The following MYH6 variants were observed in gnomAD, a reference collection of about 807,000 sequenced individuals.
The protein encoded by MYH6 is myosin-6.
MYH6 carries 126 observed loss-of-function variants against 223.2 expected under a neutral mutation model. That is an observed-to-expected ratio of 0.56 (90% CI 0.49 to 0.65). The LOEUF (loss-of-function observed/expected upper bound fraction) is 0.65. Among genes scored for constraint, MYH6 ranks in the 30% least tolerant of loss-of-function variants. The pLI, the probability that MYH6 is intolerant of heterozygous loss-of-function variation, is 0.00. For missense variants in MYH6, 2,040 were observed against 2,536.4 expected (o/e 0.80, Z 4.20); for synonymous variants, 978 against 1,010.2 (o/e 0.97, Z 0.61).
chr14:23,407,716 G>C lies in MYH6; in HGVS notation c.-46-108C>G. 1.3e-6 allele frequency: 1 copy of C among 778,822 alleles called. No individual in the cohort carries two copies. The highest frequency in any genetic ancestry group is 1.6e-6 in the Non-Finnish European group (1 of 620,762). The allele number at this position is 778,822 out of a possible 1,614,324, so 48.2% of individuals were successfully genotyped here. Reference sequence around the variant, plus strand: ...GGCAGGCCACCCGGGGATGGAGGCAGCCCCAGAGCGCAGACAGGCAGGACA... The same window carrying C: ...GGCAGGCCACCCGGGGATGGAGGCACCCCCAGAGCGCAGACAGGCAGGACA... On this transcript the variant is annotated intron_variant, in intron 1 of 38. Transcript: ENST00000405093. The surrounding 1 kb of genome is among the most constrained non-coding windows in gnomAD (Gnocchi z 5.6).
Position 23,387,922 on chromosome 14 carries a change from A to T in MYH6, c.4361T>A (p.Ile1454Asn), listed in dbSNP as rs746342054. The T allele has an allele frequency of 8.7e-6, 14 of 1,613,464 alleles. No individual in the cohort carries two copies. Among genetic ancestry groups the T allele is most frequent in the Non-Finnish European group, 1.1e-5 (13 of 1,179,990 alleles). ...ATACTTCTGCTTCCACTCGGCCAGG[A>T]TCTGCCCGGGGACAAGGCTCACTCT... is the stretch of plus-strand genomic sequence containing the variant. The part of the protein sequence containing the change: ...LDKKQRNFDK[I>N]LAEWKQKYEE... Residue 1454 changes from isoleucine to asparagine, a missense_variant and splice_region_variant, in exon 31 of 39, where the codon ATC (isoleucine) becomes AAC (asparagine). Ile to Asn is a moderately radical substitution (Grantham distance 149). Transcript: ENST00000405093.
intron 20 of MYH6, among the ~76,000 whole-genome samples, chr14:23,395,103 G>T (rs1223710563): frequency 1.3e-5 from 2 of 152,196 alleles, no homozygotes; most frequent in Non-Finnish European, 2.9e-5. Flanking sequence ...GACCTCAGGT[G>T]ATCCGCCTGC....
chr14:23,396,043 T>C (rs928971243), intron 20 of MYH6, among the ~76,000 whole-genome samples: 2 of 151,924 alleles, frequency 1.3e-5, no homozygotes, highest in Non-Finnish European at 2.9e-5. Flanking sequence ...CAAAGTCTAG[T>C]GTTTTAAAAT....
intron 13 of MYH6, 137 bp from the exon 14 acceptor site, chr14:23,400,563 T>A (rs1891568861): frequency 1.2e-5 from 19 of 1,581,632 alleles, no homozygotes; most frequent in Non-Finnish European, 1.5e-5. Flanking sequence ...GGGCTTCCCC[T>A]GAAGACAGGG....
Position 23,390,007 on chromosome 14 carries a change from A to C in MYH6, c.3732+50T>G, listed in dbSNP as rs1386403003. 2.5e-6 allele frequency: 4 copies of C among 1,612,534 alleles called. No individual in the cohort carries two copies. The African/African-American group carries it at 4.0e-5, about 16-fold the overall frequency. On this transcript the variant is annotated intron_variant, in intron 26 of 38. Transcript: ENST00000405093. ...CAGACAGAGAGAGAAGGCATGGGGG[A>C]GGCTCCGCTGTGCAGGGGAGAGGGC...
rs375226438 is a variant in MYH6 at position 23,393,732 on chromosome 14, C to A, written c.2862G>T (p.Lys954Asn). Reference sequence around the variant, plus strand: ...GTGTCAGCTCCAGGTCATCAATGTCCTTCTTGAGCTCTGAGCACTCGTCTT... The same window carrying A: ...GTGTCAGCTCCAGGTCATCAATGTCATTCTTGAGCTCTGAGCACTCGTCTT... The part of the protein sequence containing the change: ...KLEDECSELK[K>N]DIDDLELTLA... The change falls in exon 22 of 39, where the codon AAG becomes AAT. Residue 954 changes from lysine (K) to asparagine (N), a missense_variant. Physicochemically the swap from Lys to Asn is moderately conservative, Grantham distance 94 (BLOSUM62 0). Around this residue, in one of 4 missense-constraint regions of MYH6, gnomAD observed 1,203 missense variants for 1,400.2 expected, o/e 0.86. Transcript: ENST00000405093. 6.2e-7 allele frequency: 1 copy of A among 1,614,210 alleles called. No homozygotes were observed. The highest frequency in any genetic ancestry group is 8.5e-7 in the Non-Finnish European group (1 of 1,180,040).
At chr14:23,397,828 C>G (rs1891444020) in intron 15 of MYH6, among the ~76,000 whole-genome samples, 1 of 152,082 alleles carries the variant, frequency 6.6e-6, no homozygotes, top group Non-Finnish European at 1.5e-5. Context: ...TGGTGCTTGC[C>G]CATAGTAGGC....
chr14:23,398,153 G>A (rs1313209288), intron 15 of MYH6, among the ~76,000 whole-genome samples: 1 of 151,968 alleles, frequency 6.6e-6, no homozygotes, highest in Non-Finnish European at 1.5e-5. Flanking sequence ...AAGTGGCTGG[G>A]ACTACAGGCA....
chr14:23,404,353 G>T lies in MYH6; in HGVS notation c.678C>A (p.Pro226=). ...TLEDQIIQAN[P]ALEAFGNAKT... Reference sequence around the variant, plus strand: ...TGGCATTGCCGAAGGCCTCCAGAGCGGGGTTGGCCTGGATGATCTGGTCCT... The same window carrying T: ...TGGCATTGCCGAAGGCCTCCAGAGCTGGGTTGGCCTGGATGATCTGGTCCT... The change falls in exon 8 of 39, where the codon CCC becomes CCA. Residue 226 remains proline, a synonymous_variant. Coordinates refer to ENST00000405093, the MANE Select transcript of MYH6 (RefSeq NM_002471.4). The T allele has an allele frequency of 6.2e-7, 1 of 1,614,242 alleles. No individual in the cohort carries two copies. Among genetic ancestry groups the T allele is most frequent in the African/African-American group, 1.3e-5 (1 of 75,072 alleles).
rs778947579 is a variant in MYH6 at position 23,388,581 on chromosome 14, C to T, written c.4176-243G>A. 3.3e-5 allele frequency: 28 copies of T among 853,094 alleles called. 1 individual carries two copies. The highest frequency in any genetic ancestry group is 1.6e-4 in the South Asian group (12 of 75,206). 52.8% of individuals were successfully genotyped at this position (853,094 alleles called of 1,614,324 possible). On this transcript the variant is annotated intron_variant, in intron 29 of 38. Transcript: ENST00000405093. ...GCCCTCACCCCCCACACAGGCTGAT[C>T]GACGGTAGCTCCTCTGACCAACAAG...
At chr14:23,398,008 TC>T (rs1298040885) in intron 15 of MYH6, among the ~76,000 whole-genome samples, 1 of 146,806 alleles carries the variant, frequency 6.8e-6, no homozygotes, top group African/African-American at 2.6e-5. Context: ...TTCTTCTTCT[TC>T]TTCTTCTTCT....
chr14:23,393,291 T>G (rs2138597998), intron 23 of MYH6, 51 bp downstream of exon 23: 1 of 1,611,098 alleles, frequency 6.2e-7, no homozygotes, highest in South Asian at 1.1e-5. Context: ...GCCATTGGTG[T>G]TGCCTGCAAA....
At chr14:23,399,915 G>C in intron 14 of MYH6, 1 of 376,070 alleles carries the variant, frequency 2.7e-6, no homozygotes, top group Non-Finnish European at 5.1e-6. Context: ...CCAACAGGAA[G>C]GTGGTGGGAG....
rs140456041 is a variant in MYH6, at chr14:23,396,206, C to G, written c.2429+78G>C. The G allele has an allele frequency of 5.4e-4, 860 of 1,600,644 alleles. 5 individuals are homozygous for G. In the African/African-American group the frequency reaches 1.0e-2, roughly 19 times the overall value. Reference sequence around the variant, plus strand: ...CCAGCTGGTAGGTCTGAACCCAGGTCTTCTGACCCACACTAGTTGACATTG... The same window carrying G: ...CCAGCTGGTAGGTCTGAACCCAGGTGTTCTGACCCACACTAGTTGACATTG... On this transcript the variant is annotated intron_variant, in intron 20 of 38. Transcript: ENST00000405093.
intron 37 of MYH6, 150 bp from the exon 38 acceptor site, chr14:23,382,712 T>G: frequency 8.8e-7 from 1 of 1,138,752 alleles, no homozygotes. Flanking sequence ...ATCCTGCAAC[T>G]GCCTTGCACT....
At chr14:23,393,273 C>CT in intron 23 of MYH6, 69 bp downstream of exon 23, 1 of 1,599,788 alleles carries the variant, frequency 6.3e-7, no homozygotes, top group Non-Finnish European at 8.6e-7. Flanking sequence ...GGGATCAGGA[C>CT]TTTCTGGGCC....
At chr14:23,399,971 C>T in intron 14 of MYH6, 1 of 487,948 alleles carries the variant, frequency 2.0e-6, no homozygotes, top group Non-Finnish European at 3.7e-6. Flanking sequence ...ATGAATGACG[C>T]TTCTCATGGG....
chr14:23,382,035 CA>C lies in MYH6; in HGVS notation c.*4del. ...GTTGGCAAGAGTGAGGTTCCCGAGG[CA>C]GTGTCACTCCTCATCGTGCATTTTT... On this transcript the variant is annotated 3_prime_UTR_variant, in exon 39 of 39. Coordinates refer to ENST00000405093, the MANE Select transcript of MYH6 (RefSeq NM_002471.4). 6.2e-7 allele frequency: 1 copy of C among 1,614,184 alleles called. No homozygotes were observed. Among genetic ancestry groups the C allele is most frequent in the Non-Finnish European group, 8.5e-7 (1 of 1,180,034 alleles).
In MYH6 at chr14:23,402,871, G is replaced by C. The variant is rs1891651384; in HGVS notation, c.899-71C>G. ...GGCAGGGAAGGGGCAGGTAGAGTTG[G>C]GAAAGGGAGGGAGGGGCAGGGAGGG... On this transcript the variant is annotated intron_variant, in intron 10 of 38. Transcript: ENST00000405093. 3 of 974,826 alleles carry C rather than the reference G, an allele frequency of 3.1e-6. No individual in the cohort carries two copies. In the Admixed American group the frequency reaches 5.7e-5, roughly 18 times the overall value. The allele number at this position is 974,826 out of a possible 1,614,324, so 60.4% of individuals were successfully genotyped here. A position where few individuals can be genotyped will look rare whatever the true frequency, so the allele number is the denominator to read the frequency against.
Sources: gnomAD v4.1 joint callset for allele counts (sites outside exome capture counted in the v4.1 genomes callset) on GRCh38, gnomAD v4.1.1 for gene constraint, gnomAD v4.1.1 regional missense constraint, Gnocchi (gnomAD v3.1) non-coding constraint, MANE v1.5 for transcripts, NCBI Gene and HGNC (gene_info 2026-07-23, HGNC 2026-07-21) for gene names.